DZIP3: variants seen among roughly 807,000 people sequenced by gnomAD.
The protein encoded by DZIP3 is E3 ubiquitin-protein ligase DZIP3.
In DZIP3, 118 loss-of-function variants were observed where a neutral mutation model predicts 162.0. The observed-to-expected ratio is 0.73, with a 90% CI of 0.63 to 0.85. DZIP3 has a LOEUF of 0.85. Among genes scored for constraint, DZIP3 ranks in the 40% least tolerant of loss-of-function variants. DZIP3 has a pLI of 0.00. For missense variants in DZIP3, 1,331 were observed against 1,407.0 expected (o/e 0.95, Z 0.86); for synonymous variants, 438 against 458.6 (o/e 0.96, Z 0.57).
intron 3 of DZIP3, among the ~76,000 whole-genome samples, chr3:108,608,727 A>C (rs1461300644): frequency 6.6e-6 from 1 of 152,140 alleles, no homozygotes; most frequent in Non-Finnish European, 1.5e-5. Flanking sequence ...ATATTTTGTG[A>C]AAGACTGATT....
chr3:108,654,405 G>A, intron 19 of DZIP3, 95 bp downstream of exon 19: 1 of 1,328,804 alleles, frequency 7.5e-7, no homozygotes, highest in Non-Finnish European at 1.1e-6. Flanking sequence ...AAAGCCCAGT[G>A]GTTTATACTG....
chr3:108,650,350 G>A (rs1025588864), intron 17 of DZIP3, among the ~76,000 whole-genome samples: 1 of 151,638 alleles, frequency 6.6e-6, no homozygotes, highest in Non-Finnish European at 1.5e-5. Flanking sequence ...AATCAAATTG[G>A]TACTGGATAT....
At chr3:108,671,969 C>T (rs531780390) in intron 22 of DZIP3, among the ~76,000 whole-genome samples, 1 of 151,968 alleles carries the variant, frequency 6.6e-6, no homozygotes, top group South Asian at 2.1e-4. Flanking sequence ...AGAATTGTAT[C>T]TCTCACAGTT....
chr3:108,663,482 G>C (rs1485979289), intron 21 of DZIP3, among the ~76,000 whole-genome samples: 1 of 151,972 alleles, frequency 6.6e-6, no homozygotes, highest in African/African-American at 2.4e-5. Flanking sequence ...CTTGAACCCA[G>C]GAGGCGGAGG....
chr3:108,617,032 A>G (rs1268427277), intron 5 of DZIP3, among the ~76,000 whole-genome samples: 1 of 152,248 alleles, frequency 6.6e-6, no homozygotes, highest in African/African-American at 2.4e-5. Flanking sequence ...CAAATACTGC[A>G]TGATGTCATT....
At chr3:108,596,214 G>T (rs1275444729) in intron 1 of DZIP3, among the ~76,000 whole-genome samples, 1 of 152,192 alleles carries the variant, frequency 6.6e-6, no homozygotes, top group Non-Finnish European at 1.5e-5. Flanking sequence ...ACTGCAGTTT[G>T]TCTGCTCCAG....
intron 23 of DZIP3, 41 bp from the exon 24 acceptor site, chr3:108,674,037 C>A: frequency 7.0e-7 from 1 of 1,424,686 alleles, no homozygotes; most frequent in Non-Finnish European, 9.9e-7. Flanking sequence ...CCTTTACAAG[C>A]ACACCTTCAA....
At chr3:108,613,204 C>T (rs1940816660) in intron 4 of DZIP3, among the ~76,000 whole-genome samples, 1 of 152,100 alleles carries the variant, frequency 6.6e-6, no homozygotes, top group South Asian at 2.1e-4. Context: ...AGTCAATTTT[C>T]TATAAATTAA....
intron 8 of DZIP3, among the ~76,000 whole-genome samples, chr3:108,631,093 T>TCTCTCTCTCTCTCTCTCTCTCTCTCC (rs1235604547): frequency 4.8e-5 from 7 of 144,716 alleles, no homozygotes; most frequent in African/African-American, 1.3e-4. Context: ...TCTCTCTCTC[T>TCTCTCTCTCTCTCTCTCTCTCTCTCC]CCTATCCTAC....
At chr3:108,613,181 A>G (rs1168658316) in intron 4 of DZIP3, among the ~76,000 whole-genome samples, 1 of 152,202 alleles carries the variant, frequency 6.6e-6, no homozygotes, top group African/African-American at 2.4e-5. Context: ...AGGAAGACGC[A>G]GTATGTTAAA....
intron 4 of DZIP3, among the ~76,000 whole-genome samples, chr3:108,612,978 G>A (rs959641977): frequency 4.6e-5 from 7 of 152,076 alleles, no homozygotes; most frequent in African/African-American, 1.7e-4. Context: ...GAGAATATCT[G>A]ACCCCTGTAC....
At position 108,589,809 on chromosome 3, in the gene DZIP3, G is replaced by GAAAT; in HGVS notation, c.-102_-99dup. The stretch of plus-strand genomic sequence containing the variant: ...CGTTTGTGCGTCATCCTCTACCTGA[G>GAAAT]AAATGGTCGCTTGCCCCTAGTCTAG... On this transcript the variant is annotated 5_prime_UTR_variant, in exon 1 of 33. The change creates a new upstream start codon in the 5' untranslated region. Coordinates refer to ENST00000361582, the MANE Select transcript of DZIP3 (RefSeq NM_014648.4). 1 of 157,444 alleles carries GAAAT rather than the reference G, an allele frequency of 6.4e-6. No individual in the cohort carries two copies. The highest frequency in any genetic ancestry group is 3.2e-3 in the Middle Eastern group (1 of 310). The allele number at this position is 157,444 out of a possible 1,614,324, so 9.8% of individuals were successfully genotyped here. A position where few individuals can be genotyped will look rare whatever the true frequency, so the allele number is the denominator to read the frequency against.
chr3:108,690,053 T>G (rs1944635112), intron 31 of DZIP3, among the ~76,000 whole-genome samples: 1 of 152,196 alleles, frequency 6.6e-6, no homozygotes. Flanking sequence ...CTTTCCCCTT[T>G]GAAGTTTATA....
At chr3:108,656,816 C>T (rs1206025150) in intron 19 of DZIP3, among the ~76,000 whole-genome samples, 17 of 152,152 alleles carry the variant, frequency 1.1e-4, no homozygotes, top group Admixed American at 1.1e-3. Flanking sequence ...GAGCTGAAAA[C>T]CACAGCACAA....
In DZIP3 at chr3:108,644,721, G is replaced by A. The variant is rs750598522; in HGVS notation, c.1699G>A (p.Val567Ile). Residue 567 changes from valine to isoleucine, a missense_variant, in exon 14 of 33, where the codon GTC (valine) becomes ATC (isoleucine). By Grantham distance (29) the Val-to-Ile change is conservative (BLOSUM62 3). This residue lies in a region of DZIP3 where 1,278 missense variants were observed against 1,317.1 expected (regional missense o/e 0.97). Coordinates refer to ENST00000361582, the MANE Select transcript of DZIP3 (RefSeq NM_014648.4). The stretch of plus-strand genomic sequence containing the variant: ...CTCCCTTGATTACCATCAGCTATCT[G>A]TCTACCTAGGCATACCAGTACCAGA... ...NISLDYHQLS[V>I]YLGIPVPEII... 1 of 1,611,670 alleles carries A rather than the reference G, an allele frequency of 6.2e-7. No homozygotes were observed. The highest frequency in any genetic ancestry group is 1.7e-5 in the Admixed American group (1 of 60,008).
chr3:108,650,522 A>G (rs915316252), intron 17 of DZIP3, among the ~76,000 whole-genome samples: 4 of 151,782 alleles, frequency 2.6e-5, no homozygotes, highest in African/African-American at 9.7e-5. Context: ...TTAGTTTAAT[A>G]TGTTAAATGC....
At chr3:108,631,699 T>C (rs1041493166) in intron 8 of DZIP3, among the ~76,000 whole-genome samples, 2 of 150,426 alleles carry the variant, frequency 1.3e-5, no homozygotes, top group African/African-American at 2.4e-5. Flanking sequence ...TTAAAAGCAT[T>C]TTTCTGTTAT....
chr3:108,638,681 A>C (rs1023848462), intron 12 of DZIP3, among the ~76,000 whole-genome samples: 1 of 152,194 alleles, frequency 6.6e-6, no homozygotes, highest in Non-Finnish European at 1.5e-5. Flanking sequence ...TCACTAAACT[A>C]AATGAGGATA....
chr3:108,617,050 G>A (rs1486321310), intron 5 of DZIP3, among the ~76,000 whole-genome samples: 1 of 152,210 alleles, frequency 6.6e-6, no homozygotes, highest in Non-Finnish European at 1.5e-5. Flanking sequence ...ATTTGAATGT[G>A]GAATCTAGGA....
Sources: allele counts gnomAD v4.1 joint callset (sites outside exome capture counted in the v4.1 genomes callset), GRCh38; gene constraint gnomAD v4.1.1; regional missense constraint gnomAD v4.1.1; transcripts MANE v1.5; gene names NCBI Gene and HGNC (gene_info 2026-07-23, HGNC 2026-07-21).